Variants in CFAP91 observed in about 807,000 individuals in gnomAD.
CFAP91 encodes the protein cilia and flagella associated protein 91, also known as cilia- and flagella-associated protein 91.
Under a neutral mutation model 95.9 loss-of-function variants are expected in CFAP91, and 85 were observed. That is an observed-to-expected ratio of 0.89 (90% CI 0.74 to 1.06). The LOEUF (loss-of-function observed/expected upper bound fraction) is 1.06. Among genes scored for constraint, CFAP91 ranks in the 50% least tolerant of loss-of-function variants. CFAP91 has a pLI of 0.00. For missense variants in CFAP91, 962 were observed against 943.4 expected (o/e 1.02, Z -0.26); for synonymous variants, 335 against 327.5 (o/e 1.02, Z -0.25).
Position 119,739,240 on chromosome 3 carries a change from C to T in CFAP91, c.1462-15C>T, listed in dbSNP as rs767156129. On this transcript the variant is annotated splice_polypyrimidine_tract_variant and intron_variant, in intron 11 of 17. Coordinates refer to ENST00000273390, the MANE Select transcript of CFAP91 (RefSeq NM_033364.4). The stretch of plus-strand genomic sequence containing the variant: ...GCAGTTCTCAAGCTGCTTGGTTCTC[C>T]CTTTGTTCTTTTAGGAAGAAGAAGA... 2.7e-5 allele frequency: 44 copies of T among 1,612,304 alleles called. No homozygotes were observed. The highest frequency in any genetic ancestry group is 3.7e-5 in the Non-Finnish European group (44 of 1,178,550).
intron 13 of CFAP91, 50 bp from the exon 14 acceptor site, chr3:119,743,923 TCA>T (rs2054169472): frequency 6.8e-7 from 1 of 1,461,218 alleles, no homozygotes; most frequent in African/African-American, 1.4e-5. Context: ...CTTCTAATAA[TCA>T]CCACTCATAA....
chr3:119,736,303 A>T lies in CFAP91; in HGVS notation c.1345-1063A>T, dbSNP rs116654375. On this transcript the variant is annotated intron_variant, in intron 10 of 17. Coordinates refer to ENST00000273390, the MANE Select transcript of CFAP91 (RefSeq NM_033364.4). ...TTTTTTTTTTTTGAGTTGGAATCTC[A>T]CTCTGTTTGTCAGGCTGGAGGGCAG... is the stretch of plus-strand genomic sequence containing the variant. 4.3e-3 allele frequency among the ~76,000 whole-genome samples: 479 copies of T among 111,096 alleles called. 2 individuals carry two copies. Among genetic ancestry groups the T allele is most frequent in the African/African-American group, 0.017 (463 of 26,972 alleles). 72.9% of individuals were successfully genotyped at this position (111,096 alleles called of 152,430 possible).
intron 17 of CFAP91, among the ~76,000 whole-genome samples, chr3:119,764,803 A>G (rs550816691): frequency 2.0e-4 from 30 of 152,170 alleles, no homozygotes; most frequent in Non-Finnish European, 3.5e-4. Flanking sequence ...TTTATGATGT[A>G]TGTATACAAC....
intron 17 of CFAP91, among the ~76,000 whole-genome samples, chr3:119,759,266 G>A (rs1192820391): frequency 6.6e-6 from 1 of 151,994 alleles, no homozygotes; most frequent in Non-Finnish European, 1.5e-5. Flanking sequence ...AAACTATAGT[G>A]TTTAGGAATG....
intron 7 of CFAP91, among the ~76,000 whole-genome samples, chr3:119,729,506 T>C (rs1032947832): frequency 1.3e-5 from 2 of 151,688 alleles, no homozygotes; most frequent in East Asian, 3.9e-4. Context: ...TAGCCAGGTG[T>C]GGTGGTGGGT....
chr3:119,705,832 A>C (rs1248467294), intron 1 of CFAP91: 3 of 152,228 alleles, frequency 2.0e-5, no homozygotes, highest in Admixed American at 2.0e-4. Flanking sequence ...TGAATGAAGG[A>C]GCAAAAAGAG....
At chr3:119,757,660 ATAAAAT>A (rs2054458977) in intron 17 of CFAP91, among the ~76,000 whole-genome samples, 1 of 152,192 alleles carries the variant, frequency 6.6e-6, no homozygotes, top group African/African-American at 2.4e-5. Context: ...AATAATAAAA[ATAAAAT>A]TAAAATGGAA....
In CFAP91 at chr3:119,719,157, A is replaced by G. The variant is rs182020097; in HGVS notation, c.682+3414A>G. ...CAAGGGAGATTGTAGATGTGTATATAATTGCGTATATAATGCTGAACAAAA... is the reference window on the plus strand; with the variant it reads ...CAAGGGAGATTGTAGATGTGTATATGATTGCGTATATAATGCTGAACAAAA... On this transcript the variant is annotated intron_variant, in intron 6 of 17. Transcript: ENST00000273390. 3.1e-3 allele frequency among the ~76,000 whole-genome samples: 466 copies of G among 152,366 alleles called. 1 individual carries two copies. Among genetic ancestry groups the G allele is most frequent in the Non-Finnish European group, 5.3e-3 (363 of 68,032 alleles).
chr3:119,720,616 A>G (rs1275266687), intron 6 of CFAP91, among the ~76,000 whole-genome samples: 1 of 152,210 alleles, frequency 6.6e-6, no homozygotes, highest in Non-Finnish European at 1.5e-5. Flanking sequence ...AAACTGCTTT[A>G]TGCAACTTCT....
chr3:119,716,914 G>A (rs892065951), intron 6 of CFAP91, among the ~76,000 whole-genome samples: 2 of 152,086 alleles, frequency 1.3e-5, no homozygotes, highest in African/African-American at 4.8e-5. Flanking sequence ...TAAAGCAGAG[G>A]CTCTACTTTC....
At chr3:119,742,040 C>A (rs2054131204) in intron 13 of CFAP91, among the ~76,000 whole-genome samples, 1 of 152,108 alleles carries the variant, frequency 6.6e-6, no homozygotes, top group Admixed American at 6.5e-5. Flanking sequence ...AGCGCTAGGC[C>A]CTGAGACTGT....
intron 14 of CFAP91, among the ~76,000 whole-genome samples, chr3:119,745,011 G>C (rs1475109498): frequency 6.6e-6 from 1 of 152,144 alleles, no homozygotes; most frequent in African/African-American, 2.4e-5. Flanking sequence ...AAAGGAAAAA[G>C]CTGGTAAAAA....
chr3:119,736,511 C>T (rs1177438852), intron 10 of CFAP91, among the ~76,000 whole-genome samples: 1 of 151,938 alleles, frequency 6.6e-6, no homozygotes, highest in Admixed American at 6.5e-5. Context: ...CTCCTGACCT[C>T]GTGATCCACC....
chr3:119,747,066 G>A, intron 14 of CFAP91, 49 bp from the exon 15 acceptor site: 1 of 1,413,362 alleles, frequency 7.1e-7, no homozygotes, highest in Non-Finnish European at 9.4e-7. Flanking sequence ...TTCTTGTGTT[G>A]TTTACAACAG....
chr3:119,733,484 A>G lies in CFAP91; in HGVS notation c.1322A>G (p.Tyr441Cys), dbSNP rs777212399. ...GFLKRAARLD[Y>C]ELAEVHKALL... ...CTGAAGAGGGCAGCAAGGTTGGACT[A>G]TGAGTTGGCAGAGGTTCATAAGGTA... is the stretch of plus-strand genomic sequence containing the variant. The change falls in exon 10 of 18, where the codon TAT (tyrosine) becomes TGT (cysteine). Residue 441 changes from tyrosine to cysteine, a missense_variant. Physicochemically the swap from Tyr to Cys is radical, Grantham distance 194. Transcript: ENST00000273390. 5 of 1,613,794 alleles carry G rather than the reference A, an allele frequency of 3.1e-6. No homozygotes were observed. The highest frequency in any genetic ancestry group is 2.7e-5 in the African/African-American group (2 of 74,918).
At chr3:119,755,318 A>G (rs1441960865) in intron 17 of CFAP91, among the ~76,000 whole-genome samples, 1 of 152,218 alleles carries the variant, frequency 6.6e-6, no homozygotes, top group Non-Finnish European at 1.5e-5. Flanking sequence ...GTCCTTGAAA[A>G]TGCGTATGTT....
chr3:119,740,759 C>T, intron 13 of CFAP91, 64 bp downstream of exon 13: 1 of 1,509,530 alleles, frequency 6.6e-7, no homozygotes, highest in East Asian at 2.4e-5. Context: ...TTTATCATCA[C>T]ACAGCACCAT....
intron 3 of CFAP91, among the ~76,000 whole-genome samples, chr3:119,708,264 CAAAAA>C: frequency 8.9e-6 from 1 of 111,840 alleles, no homozygotes; most frequent in African/African-American, 3.3e-5. Context: ...GACTCTGTCT[CAAAAA>C]AAAAAAAAAA....
chr3:119,703,719 G>T (rs2053304726), intron 1 of CFAP91, among the ~76,000 whole-genome samples: 1 of 152,028 alleles, frequency 6.6e-6, no homozygotes, highest in Non-Finnish European at 1.5e-5. Flanking sequence ...TGGGTCCGCT[G>T]GCTCCTCTTG....
Sources: allele counts gnomAD v4.1 joint callset (sites outside exome capture counted in the v4.1 genomes callset), GRCh38; gene constraint gnomAD v4.1.1; transcripts MANE v1.5; gene names NCBI Gene and HGNC (gene_info 2026-07-23, HGNC 2026-07-21).